TNFRSF19: variants seen among roughly 807,000 people sequenced by gnomAD.
TNFRSF19 encodes TNF receptor superfamily member 19, also known as tumor necrosis factor receptor superfamily member 19.
Under a neutral mutation model 46.4 loss-of-function variants are expected in TNFRSF19, and 27 were observed. The observed-to-expected ratio is 0.58, with a 90% CI of 0.43 to 0.80. TNFRSF19 has a LOEUF of 0.80. TNFRSF19 is among the 30% of genes least tolerant of loss of function. The pLI, the probability that TNFRSF19 is intolerant of heterozygous loss-of-function variation, is 0.00. For missense variants in TNFRSF19, 511 were observed against 530.8 expected (o/e 0.96, Z 0.37); for synonymous variants, 204 against 205.0 (o/e 1.00, Z 0.04).
At chr13:23,588,736 C>T (rs7986893) in intron 1 of TNFRSF19, among the ~76,000 whole-genome samples, 42,658 of 152,064 alleles carry the variant, frequency 0.28, 6,158 homozygotes, top group South Asian at 0.34. Context: ...CCTGTGTCTA[C>T]ACAAGCAGTA....
At chr13:23,663,808 T>C (rs1028321570) in intron 7 of TNFRSF19, among the ~76,000 whole-genome samples, 3 of 152,190 alleles carry the variant, frequency 2.0e-5, no homozygotes, top group African/African-American at 7.2e-5. Context: ...GAGATGTTTA[T>C]AGTAGTTCCT....
chr13:23,618,701 AC>A (rs1009245808), intron 4 of TNFRSF19, among the ~76,000 whole-genome samples: 1 of 152,184 alleles, frequency 6.6e-6, no homozygotes, highest in Non-Finnish European at 1.5e-5. Flanking sequence ...CCACACAAAA[AC>A]TTGTACACTA....
At chr13:23,584,501 AT>A (rs1398635160) in intron 1 of TNFRSF19, among the ~76,000 whole-genome samples, 1 of 151,782 alleles carries the variant, frequency 6.6e-6, no homozygotes. Context: ...CTGGTTACAT[AT>A]TTTTGCAACT....
chr13:23,662,094 T>A lies in TNFRSF19; in HGVS notation c.736+1604T>A, dbSNP rs140805373. Among the ~76,000 whole-genome samples the A allele has an allele frequency of 6.8e-3, 1,040 of 152,362 alleles. 12 individuals carry two copies. The highest frequency in any genetic ancestry group is 0.024 in the African/African-American group (986 of 41,588). ...GTTGTGATTGCTTTTGATGTCTTTG[T>A]CATGAAATCTTTGCCCATTCCTATG... On this transcript the variant is annotated intron_variant, in intron 7 of 9. Coordinates refer to ENST00000248484, the MANE Select transcript of TNFRSF19 (RefSeq NM_148957.4).
chr13:23,607,851 A>T (rs949494728), intron 3 of TNFRSF19, among the ~76,000 whole-genome samples: 1 of 152,182 alleles, frequency 6.6e-6, no homozygotes. Context: ...CCTTAAAACT[A>T]AAGCCTGGAA....
intron 1 of TNFRSF19, among the ~76,000 whole-genome samples, chr13:23,578,814 C>G (rs1255917009): frequency 6.6e-6 from 1 of 152,254 alleles, no homozygotes; most frequent in Non-Finnish European, 1.5e-5. Flanking sequence ...TGCAGACGCC[C>G]TTCCGCTGCG....
At position 23,660,366 on chromosome 13, in the gene TNFRSF19, G is replaced by T; in HGVS notation, c.612G>T (p.Trp204Cys). 6.2e-7 allele frequency: 1 copy of T among 1,613,346 alleles called. No individual in the cohort carries two copies. The highest frequency in any genetic ancestry group is 8.5e-7 in the Non-Finnish European group (1 of 1,179,666). ...KRQFMEKKPSWSLRSQDIQYN... is the reference protein window; with the variant it reads ...KRQFMEKKPSCSLRSQDIQYN... ...ACAGAGTTCTCACCCCTCATTTAGG[G>T]TCTCTGCGGTCACAGGACATTCAGT... The change falls in exon 7 of 10, where the codon TGG becomes TGT. Residue 204 changes from tryptophan (W) to cysteine (C), a missense_variant and splice_region_variant. Coordinates refer to ENST00000248484, the MANE Select transcript of TNFRSF19 (RefSeq NM_148957.4).
intron 5 of TNFRSF19, among the ~76,000 whole-genome samples, chr13:23,643,175 G>C (rs1883125043): frequency 1.3e-5 from 2 of 152,220 alleles, no homozygotes; most frequent in South Asian, 4.1e-4. Context: ...TATTACCTAA[G>C]ATTTTCCAAG....
chr13:23,657,719 A>T (rs1884073981), intron 5 of TNFRSF19, among the ~76,000 whole-genome samples: 1 of 152,000 alleles, frequency 6.6e-6, no homozygotes, highest in Non-Finnish European at 1.5e-5. Flanking sequence ...CTTGAGACAG[A>T]GTCTCGCTCT....
chr13:23,613,567 G>A (rs1195027222), intron 3 of TNFRSF19, among the ~76,000 whole-genome samples: 1 of 152,030 alleles, frequency 6.6e-6, no homozygotes, highest in African/African-American at 2.4e-5. Flanking sequence ...CCTTTGTTGT[G>A]TTTTAACTCG....
chr13:23,599,821 A>T (rs1880006545), intron 3 of TNFRSF19, among the ~76,000 whole-genome samples: 1 of 151,864 alleles, frequency 6.6e-6, no homozygotes, highest in South Asian at 2.1e-4. Context: ...ACCATGAGGC[A>T]TGTCTGGCGC....
intron 5 of TNFRSF19, among the ~76,000 whole-genome samples, chr13:23,643,542 G>A (rs1883145619): frequency 6.6e-6 from 1 of 152,168 alleles, no homozygotes; most frequent in African/African-American, 2.4e-5. Flanking sequence ...GGAACCAAGT[G>A]CTTTAAATTT....
chr13:23,610,585 G>C (rs1210466116), intron 3 of TNFRSF19, among the ~76,000 whole-genome samples: 1 of 152,018 alleles, frequency 6.6e-6, no homozygotes, highest in East Asian at 1.9e-4. Flanking sequence ...CCCTTGCTGG[G>C]GCCGTTACAA....
At position 23,660,995 on chromosome 13, in the gene TNFRSF19, A is replaced by G. The variant is rs566577360; in HGVS notation, c.736+505A>G. Among the ~76,000 whole-genome samples the G allele has an allele frequency of 5.3e-5, 8 of 152,332 alleles. No individual in the cohort carries two copies. The South Asian group carries it at 1.7e-3, about 32-fold the overall frequency. On this transcript the variant is annotated intron_variant, in intron 7 of 9. Transcript: ENST00000248484. The stretch of plus-strand genomic sequence containing the variant: ...GATTGAAAGTTTAGGAAAGTAATTC[A>G]AAGGGAAACTGGTCTCTAACTTGGG...
In TNFRSF19 at chr13:23,581,058, T is replaced by G. The variant is rs559094613; in HGVS notation, c.-34-9092T>G. Among the ~76,000 whole-genome samples the G allele has an allele frequency of 2.5e-4, 38 of 152,324 alleles. 1 individual carries two copies. The South Asian group carries it at 2.9e-3, about 12-fold the overall frequency. ...CTGAGTCCAGGCTGGATCTTGAATA[T>G]GCAGTTATGGACACATGAAGAGCAT... is the stretch of plus-strand genomic sequence containing the variant. On this transcript the variant is annotated intron_variant, in intron 1 of 9. Coordinates refer to ENST00000248484, the MANE Select transcript of TNFRSF19 (RefSeq NM_148957.4).
At chr13:23,649,440 T>C (rs1214312879) in intron 5 of TNFRSF19, among the ~76,000 whole-genome samples, 1 of 152,206 alleles carries the variant, frequency 6.6e-6, no homozygotes, top group Admixed American at 6.5e-5. Flanking sequence ...TTTAGTAATT[T>C]GACTATTCTC....
intron 3 of TNFRSF19, among the ~76,000 whole-genome samples, chr13:23,607,720 A>T (rs1419013122): frequency 3.3e-5 from 5 of 152,060 alleles, no homozygotes; most frequent in Non-Finnish European, 7.4e-5. Context: ...TTGTTATGTT[A>T]TTTGCTTCTC....
At chr13:23,598,709 A>G (rs555576569) in intron 3 of TNFRSF19, among the ~76,000 whole-genome samples, 233 of 152,294 alleles carry the variant, frequency 1.5e-3, no homozygotes, top group African/African-American at 5.2e-3. Context: ...ACAGTCTTGG[A>G]TGTTTTGAAG....
chr13:23,632,706 C>A (rs1024111107), intron 5 of TNFRSF19, among the ~76,000 whole-genome samples: 1 of 152,176 alleles, frequency 6.6e-6, no homozygotes, highest in Non-Finnish European at 1.5e-5. Context: ...ACCAGGTCTC[C>A]CCACAGAGTC....
Sources: allele counts gnomAD v4.1 joint callset (sites outside exome capture counted in the v4.1 genomes callset), GRCh38; gene constraint gnomAD v4.1.1; transcripts MANE v1.5; gene names NCBI Gene and HGNC (gene_info 2026-07-23, HGNC 2026-07-21).